MLLT10: variants seen among roughly 807,000 people sequenced by gnomAD.
The protein encoded by MLLT10 is protein AF-10.
In MLLT10, 30 loss-of-function variants were observed where a neutral mutation model predicts 129.1. The observed-to-expected ratio is 0.23, with a 90% CI of 0.17 to 0.32. The LOEUF (loss-of-function observed/expected upper bound fraction) is 0.32. Among genes scored for constraint, MLLT10 ranks in the 10% least tolerant of loss-of-function variants. The pLI, the probability that MLLT10 is intolerant of heterozygous loss-of-function variation, is 1.00. For missense variants in MLLT10, 1,119 were observed against 1,268.3 expected, an observed-to-expected ratio of 0.88 and a Z score of 1.79; for synonymous variants, 490 against 446.4, an observed-to-expected ratio of 1.10 and a Z score of -1.23.
intron 13 of MLLT10, among the ~76,000 whole-genome samples, chr10:21,694,324 T>C (rs1236287631): frequency 1.3e-5 from 2 of 152,178 alleles, no homozygotes; most frequent in Non-Finnish European, 2.9e-5. Context: ...TGTTTTGGAT[T>C]TTATTTTTCA....
intron 3 of MLLT10, among the ~76,000 whole-genome samples, chr10:21,562,776 GC>G (rs2038990579): frequency 6.9e-6 from 1 of 144,356 alleles, no homozygotes; most frequent in Non-Finnish European, 1.5e-5. Flanking sequence ...TACGAATCTT[GC>G]GTTTTCTTCA....
Position 21,534,817 on chromosome 10 carries a change from C to A in MLLT10, c.160+13C>A, listed in dbSNP as rs1393713700. The A allele has an allele frequency of 6.3e-7, 1 of 1,575,872 alleles. No homozygotes were observed. Among genetic ancestry groups the A allele is most frequent in the African/African-American group, 1.4e-5 (1 of 72,538 alleles). Reference sequence around the variant, plus strand: ...GCGGTGCATCAAGGTAAACACCCAACCGCCCGCCGGGGCGCGCCGGCCTGC... The same window carrying A: ...GCGGTGCATCAAGGTAAACACCCAAACGCCCGCCGGGGCGCGCCGGCCTGC... On this transcript the variant is annotated intron_variant, in intron 2 of 22. Transcript: ENST00000307729.
intron 9 of MLLT10, chr10:21,661,754 A>G (rs2050234233): frequency 6.6e-6 from 1 of 151,814 alleles, no homozygotes; most frequent in Non-Finnish European, 1.5e-5. Flanking sequence ...TTTCCTTTAA[A>G]CTCTACATGT....
intron 9 of MLLT10, among the ~76,000 whole-genome samples, chr10:21,653,501 A>C (rs898739321): frequency 2.0e-5 from 3 of 151,906 alleles, no homozygotes; most frequent in African/African-American, 7.3e-5. Flanking sequence ...TTTTTTTTGC[A>C]TCTCTTTTGC....
rs34844830 is a variant in MLLT10 at position 21,594,553 on chromosome 10, C to CAAA, written c.296-757_296-755dup. Among the ~76,000 whole-genome samples the CAAA allele has an allele frequency of 2.2e-3, 126 of 57,514 alleles. 1 individual carries two copies. The highest frequency in any genetic ancestry group is 8.1e-3 in the African/African-American group (106 of 13,116). The allele number at this position is 57,514 out of a possible 152,430, so 37.7% of individuals were successfully genotyped here. On this transcript the variant is annotated intron_variant, in intron 4 of 22. Coordinates refer to ENST00000307729, the MANE Select transcript of MLLT10 (RefSeq NM_001195626.3). ...GGGCAACAAGAGCGAAACTCTGTCT[C>CAAA]AAAAAAAAAAAAAAAAAAAAAAAGG...
chr10:21,658,688 G>A lies in MLLT10; in HGVS notation c.795+6920G>A, dbSNP rs557956991. Among the ~76,000 whole-genome samples the A allele has an allele frequency of 1.3e-4, 20 of 152,056 alleles. 1 individual carries two copies. The highest frequency in any genetic ancestry group is 2.6e-4 in the Non-Finnish European group (18 of 67,994). On this transcript the variant is annotated intron_variant, in intron 9 of 22. Transcript: ENST00000307729. ...TATATGCTTTTTTTGTATGTGTGAC[G>A]GAGTCTCGCTCTGTCGCCCAGGCTG... is the stretch of plus-strand genomic sequence containing the variant.
chr10:21,735,188 C>T lies in MLLT10; in HGVS notation c.2908C>T (p.His970Tyr), dbSNP rs755779673. 50 of 1,613,832 alleles carry T rather than the reference C, an allele frequency of 3.1e-5. 1 individual carries two copies. The highest frequency in any genetic ancestry group is 4.1e-5 in the Non-Finnish European group (48 of 1,179,974). ...TGACCAGCAACGACAAATACTTATT[C>T]ATCAACAGCAGTTTCAGCAGTTGTT... Reference protein sequence around the residue: ...LSDQQRQILIHQQQFQQLLNS... With the variant: ...LSDQQRQILIYQQQFQQLLNS... The change falls in exon 21 of 23, where the codon CAT (histidine) becomes TAT (tyrosine). Residue 970 changes from histidine to tyrosine, a missense_variant. By Grantham distance (83) the His-to-Tyr change is moderately conservative (BLOSUM62 2). This residue lies in a region of MLLT10 where 1,004 missense variants were observed against 1,008.7 expected (regional missense o/e 1.00). Coordinates refer to ENST00000307729, the MANE Select transcript of MLLT10 (RefSeq NM_001195626.3).
At chr10:21,600,343 C>G (rs544216336) in intron 5 of MLLT10, among the ~76,000 whole-genome samples, 12 of 150,100 alleles carry the variant, frequency 8.0e-5, no homozygotes, top group African/African-American at 2.7e-4. Context: ...TATATTTTTA[C>G]AATATTGAAT....
At chr10:21,738,044 C>T (rs1169282487) in intron 21 of MLLT10, among the ~76,000 whole-genome samples, 4 of 151,982 alleles carry the variant, frequency 2.6e-5, no homozygotes, top group Non-Finnish European at 5.9e-5. Context: ...CGGAGGTGGG[C>T]GGATCACGAG....
At chr10:21,688,644 TAAA>T in intron 13 of MLLT10, 1 of 764,216 alleles carries the variant, frequency 1.3e-6, no homozygotes, top group Non-Finnish European at 2.0e-6. Context: ...TATGTACTCA[TAAA>T]AAAAAAATGA....
chr10:21,723,983 G>GA (rs1031799666), intron 14 of MLLT10, among the ~76,000 whole-genome samples: 3 of 152,106 alleles, frequency 2.0e-5, no homozygotes, highest in Admixed American at 1.3e-4. Flanking sequence ...TCTGGAGAGA[G>GA]AAAAAAATCT....
intron 5 of MLLT10, among the ~76,000 whole-genome samples, chr10:21,596,988 T>C (rs1386958470): frequency 1.3e-5 from 2 of 152,180 alleles, no homozygotes; most frequent in Non-Finnish European, 2.9e-5. Flanking sequence ...CCTTTGATGC[T>C]GTGCAAAGAA....
intron 2 of MLLT10, among the ~76,000 whole-genome samples, chr10:21,538,455 G>A (rs1354848169): frequency 1.3e-5 from 2 of 151,790 alleles, no homozygotes; most frequent in African/African-American, 2.4e-5. Context: ...GAGCCACTGC[G>A]CCTGGCCTAA....
Position 21,601,600 on chromosome 10 carries a change from C to T in MLLT10, c.405+6160C>T, listed in dbSNP as rs189607402. Among the ~76,000 whole-genome samples, 6 of 152,288 alleles carry T rather than the reference C, an allele frequency of 3.9e-5. No homozygotes were observed. The East Asian group carries it at 5.8e-4, about 15-fold the overall frequency. On this transcript the variant is annotated intron_variant, in intron 5 of 22. Transcript: ENST00000307729. ...GAGTGCAGTGGACAGTTATGTCTCA[C>T]GATAGCCTCAAACTGCTGGCCTCAA...
In MLLT10 at chr10:21,673,626, C is replaced by G; in HGVS notation, c.1328C>G (p.Ser443Cys). 6.2e-7 allele frequency: 1 copy of G among 1,613,794 alleles called. No homozygotes were observed. The highest frequency in any genetic ancestry group is 8.5e-7 in the Non-Finnish European group (1 of 1,179,936). ...AATTCACCTGGAGATTTGGGTAATT[C>G]CAGCCTTCCTACAGCAGGATATAAG... ...FENSPGDLGN[S>C]SLPTAGYKRA... Residue 443 changes from serine to cysteine, a missense_variant, in exon 11 of 23, where the codon TCC (serine) becomes TGC (cysteine). By Grantham distance (112) the Ser-to-Cys change is moderately radical. Around this residue, in one of 5 missense-constraint regions of MLLT10, gnomAD observed 1,004 missense variants for 1,008.7 expected, o/e 1.00. Transcript: ENST00000307729.
intron 2 of MLLT10, among the ~76,000 whole-genome samples, chr10:21,537,611 C>T (rs544032566): frequency 6.6e-6 from 1 of 151,986 alleles, no homozygotes. Flanking sequence ...GTTACAGGCA[C>T]CTGCCACCAT....
chr10:21,556,604 G>A (rs1033506955), intron 3 of MLLT10: 3 of 1,523,512 alleles, frequency 2.0e-6, no homozygotes, highest in African/African-American at 2.7e-5. Context: ...TTACGCGTTA[G>A]TATGTAGTGA....
At chr10:21,673,161 TA>T (rs956259658) in intron 10 of MLLT10, among the ~76,000 whole-genome samples, 188 bp from the exon 11 acceptor site, 1 of 152,136 alleles carries the variant, frequency 6.6e-6, no homozygotes, top group African/African-American at 2.4e-5. Flanking sequence ...CACATGTTTT[TA>T]AAGGTAATTT....
chr10:21,577,062 C>T (rs1662224953), intron 3 of MLLT10, among the ~76,000 whole-genome samples: 1 of 152,226 alleles, frequency 6.6e-6, no homozygotes, highest in South Asian at 2.1e-4. Context: ...TCCTGACAAT[C>T]ACTAATCTTC....
Sources: gnomAD v4.1 joint callset for allele counts (sites outside exome capture counted in the v4.1 genomes callset) on GRCh38, gnomAD v4.1.1 for gene constraint, gnomAD v4.1.1 regional missense constraint, MANE v1.5 for transcripts, NCBI Gene and HGNC (gene_info 2026-07-23, HGNC 2026-07-21) for gene names.